Variants in GOT1 observed in about 807,000 individuals in gnomAD.
The protein encoded by GOT1 is aspartate aminotransferase, cytoplasmic.
In GOT1, 25 loss-of-function variants were observed where a neutral mutation model predicts 48.2. The ratio of observed to expected loss-of-function variants is 0.52; its 90% CI spans 0.38 to 0.72. The LOEUF (loss-of-function observed/expected upper bound fraction) is 0.72. Among genes scored for constraint, GOT1 ranks in the 30% least tolerant of loss-of-function variants. The pLI is 0.00. For missense variants in GOT1, 380 were observed against 520.1 expected, an observed-to-expected ratio of 0.73 and a Z score of 2.62; for synonymous variants, 188 against 193.8, an observed-to-expected ratio of 0.97 and a Z score of 0.25.
At chr10:99,406,702 T>A in intron 3 of GOT1, 24 bp downstream of exon 3, 1 of 1,608,278 alleles carries the variant, frequency 6.2e-7, no homozygotes, top group South Asian at 1.1e-5. Flanking sequence ...CTGTTTTTCC[T>A]CTCACTTCAG....
intron 2 of GOT1, 46 bp from the exon 3 acceptor site, chr10:99,406,895 G>C (rs111980747): frequency 1.3e-6 from 2 of 1,595,710 alleles, no homozygotes; most frequent in African/African-American, 2.7e-5. Context: ...GGTGAGGTCA[G>C]ATAATATTTA....
chr10:99,406,164 G>T lies in GOT1; in HGVS notation c.510C>A (p.Asp170Glu). The change falls in exon 4 of 9, where the codon GAC (aspartate) becomes GAA (glutamate). Residue 170 changes from aspartate (D) to glutamate (E), a missense_variant. By Grantham distance (45) the Asp-to-Glu change is conservative. Transcript: ENST00000370508. ...RYWDAEKRGL[D>E]LQGFLNDLEN... Reference sequence around the variant, plus strand: ...CCAGATCATTCAGGAAGCCCTGGAGGTCCAATCCTCTCTTCTCTGCATCCC... The same window carrying T: ...CCAGATCATTCAGGAAGCCCTGGAGTTCCAATCCTCTCTTCTCTGCATCCC... The T allele has an allele frequency of 6.2e-7, 1 of 1,612,108 alleles. No individual in the cohort carries two copies. Among genetic ancestry groups the T allele is most frequent in the Non-Finnish European group, 8.5e-7 (1 of 1,178,122 alleles).
chr10:99,415,673 C>A (rs2032885828), intron 2 of GOT1, among the ~76,000 whole-genome samples: 1 of 152,184 alleles, frequency 6.6e-6, no homozygotes, highest in African/African-American at 2.4e-5. Flanking sequence ...CCCTGATGAA[C>A]ATCGACGCAA....
chr10:99,397,814 G>A lies in GOT1; in HGVS notation c.1103-128C>T, dbSNP rs371019023. The A allele has an allele frequency of 4.3e-5, 36 of 843,340 alleles. No individual in the cohort carries two copies. The highest frequency in any genetic ancestry group is 2.5e-4 in the Middle Eastern group (1 of 4,078). The allele number at this position is 843,340 out of a possible 1,614,324, so 52.2% of individuals were successfully genotyped here. On this transcript the variant is annotated intron_variant, in intron 8 of 8. Transcript: ENST00000370508. This position sits in a 1 kb window ranked among gnomAD's most constrained non-coding sequence, Gnocchi z 5.4. Reference sequence around the variant, plus strand: ...AACAGAGAGAAGCAAAACAAAAGGCGCTATTTTGTCCAACTGACAAACAGA... The same window carrying A: ...AACAGAGAGAAGCAAAACAAAAGGCACTATTTTGTCCAACTGACAAACAGA...
At chr10:99,421,339 A>T (rs558521763) in intron 1 of GOT1, among the ~76,000 whole-genome samples, 1 of 152,336 alleles carries the variant, frequency 6.6e-6, no homozygotes, top group South Asian at 2.1e-4. Flanking sequence ...CTTGTCCCAG[A>T]GGAACAGAAA....
intron 8 of GOT1, among the ~76,000 whole-genome samples, chr10:99,399,691 T>C (rs143508859): frequency 6.6e-6 from 1 of 152,232 alleles, no homozygotes; most frequent in East Asian, 1.9e-4. Flanking sequence ...GTGGATTGCT[T>C]GGGCCTGGGA....
intron 1 of GOT1, 41 bp downstream of exon 1, chr10:99,430,407 A>G: frequency 1.2e-6 from 2 of 1,600,334 alleles, no homozygotes; most frequent in African/African-American, 1.3e-5. Flanking sequence ...GGTCCGCTCC[A>G]CTCCCCGAGC....
At position 99,397,471 on chromosome 10, in the gene GOT1, T is replaced by C; in HGVS notation, c.*76A>G. 4 of 1,448,138 alleles carry C rather than the reference T, an allele frequency of 2.8e-6. No individual in the cohort carries two copies. The South Asian group carries it at 4.6e-5, about 17-fold the overall frequency. The allele number at this position is 1,448,138 out of a possible 1,614,324, so 89.7% of individuals were successfully genotyped here. ...GCAAGTGTCTCTAATCCATGGTATG[T>C]ACATGTAGGTTTGTGCAGGCAGGGA... On this transcript the variant is annotated 3_prime_UTR_variant, in exon 9 of 9. Transcript: ENST00000370508. The surrounding 1 kb of genome is among the most constrained non-coding windows in gnomAD (Gnocchi z 5.4).
In GOT1 at chr10:99,406,861, G is replaced by T. The variant is rs556134970; in HGVS notation, c.301-12C>A. The T allele has an allele frequency of 4.3e-6, 7 of 1,613,454 alleles. No homozygotes were observed. Among genetic ancestry groups the T allele is most frequent in the South Asian group, 2.2e-5 (2 of 91,038 alleles). On this transcript the variant is annotated splice_polypyrimidine_tract_variant and intron_variant, in intron 2 of 8. Coordinates refer to ENST00000370508, the MANE Select transcript of GOT1 (RefSeq NM_002079.3). ...TGCACACCTCCTACCTGAAAGAGAA[G>T]AAACAGGGTCACAGGCTGATAATGG...
intron 1 of GOT1, among the ~76,000 whole-genome samples, chr10:99,428,124 A>C (rs959579581): frequency 6.6e-6 from 1 of 152,206 alleles, no homozygotes; most frequent in African/African-American, 2.4e-5. Flanking sequence ...GTCATAAATT[A>C]GTTCATTTTG....
intron 5 of GOT1, among the ~76,000 whole-genome samples, chr10:99,405,083 T>C (rs1235870284): frequency 6.6e-6 from 1 of 152,170 alleles, no homozygotes; most frequent in Non-Finnish European, 1.5e-5. Flanking sequence ...TTAGTACTCG[T>C]CCATCTCCCC....
intron 2 of GOT1, among the ~76,000 whole-genome samples, chr10:99,411,444 A>G (rs1205178265): frequency 6.6e-6 from 1 of 152,196 alleles, no homozygotes; most frequent in Non-Finnish European, 1.5e-5. Context: ...AAGGGAAGAA[A>G]CAATTACTGT....
chr10:99,400,029 C>T (rs2032650524), intron 8 of GOT1, among the ~76,000 whole-genome samples: 1 of 152,188 alleles, frequency 6.6e-6, no homozygotes, highest in Non-Finnish European at 1.5e-5. Context: ...TTAAATGACT[C>T]CTACCCTGGC....
rs938734285 is a variant in GOT1, at chr10:99,397,360, G to A, written c.*187C>T. Reference sequence around the variant, plus strand: ...TTGACCTCCAAAGGCTCTAATCCCAGTCTCCAAATTCGTCTCAAGGGATGT... The same window carrying A: ...TTGACCTCCAAAGGCTCTAATCCCAATCTCCAAATTCGTCTCAAGGGATGT... On this transcript the variant is annotated 3_prime_UTR_variant, in exon 9 of 9. Transcript: ENST00000370508. The surrounding 1 kb of genome is among the most constrained non-coding windows in gnomAD (Gnocchi z 5.4). 9.3e-6 allele frequency: 6 copies of A among 645,794 alleles called. No homozygotes were observed. The African/African-American group carries it at 1.1e-4, about 12-fold the overall frequency. 40.0% of individuals were successfully genotyped at this position (645,794 alleles called of 1,614,324 possible). A position where few individuals can be genotyped will look rare whatever the true frequency, so the allele number is the denominator to read the frequency against.
intron 1 of GOT1, among the ~76,000 whole-genome samples, chr10:99,424,865 T>G (rs1235446089): frequency 6.6e-6 from 1 of 152,226 alleles, no homozygotes; most frequent in Non-Finnish European, 1.5e-5. Flanking sequence ...AGATTCCTCT[T>G]GGGTGACTGG....
chr10:99,416,810 C>G (rs1448428477), intron 2 of GOT1, among the ~76,000 whole-genome samples: 7 of 152,070 alleles, frequency 4.6e-5, no homozygotes, highest in African/African-American at 1.7e-4. Flanking sequence ...ACAAACCTGA[C>G]AAAAACAAGA....
intron 1 of GOT1, among the ~76,000 whole-genome samples, chr10:99,422,998 T>C (rs769601078): frequency 3.9e-5 from 6 of 152,264 alleles, no homozygotes; most frequent in African/African-American, 1.4e-4. Context: ...ATCTGTAAGA[T>C]GCTGGGTGGA....
chr10:99,407,900 C>T (rs769900927), intron 2 of GOT1, among the ~76,000 whole-genome samples: 12 of 151,726 alleles, frequency 7.9e-5, no homozygotes, highest in African/African-American at 2.4e-4. Context: ...CCCATCAACC[C>T]GTCATCTAGG....
At chr10:99,404,784 C>A (rs889617697) in intron 5 of GOT1, among the ~76,000 whole-genome samples, 2 of 152,160 alleles carry the variant, frequency 1.3e-5, no homozygotes, top group Non-Finnish European at 2.9e-5. Flanking sequence ...TCAGCACAGA[C>A]CCTGCCCCTA....
Sources: gnomAD v4.1 joint callset for allele counts (sites outside exome capture counted in the v4.1 genomes callset) on GRCh38, gnomAD v4.1.1 for gene constraint, Gnocchi (gnomAD v3.1) non-coding constraint, MANE v1.5 for transcripts, NCBI Gene and HGNC (gene_info 2026-07-23, HGNC 2026-07-21) for gene names.